The following TGM6 variants were observed in gnomAD, a reference collection of about 807,000 sequenced individuals.
TGM6 encodes the protein transglutaminase 6, also known as protein-glutamine gamma-glutamyltransferase 6.
A neutral mutation model predicts 77.5 loss-of-function variants in TGM6; 74 were observed. That is an observed-to-expected ratio of 0.96 (90% CI 0.79 to 1.16). The LOEUF (loss-of-function observed/expected upper bound fraction) is 1.16, where lower values mean the gene tolerates loss of function less well. Among genes scored for constraint, TGM6 ranks in the 50% most tolerant of loss-of-function variants. TGM6 has a pLI of 0.00. For missense variants in TGM6, 968 were observed against 940.2 expected (o/e 1.03, Z -0.39); for synonymous variants, 383 against 378.9 (o/e 1.01, Z -0.12).
In TGM6 at chr20:2,432,494, C is replaced by A. The variant is rs150182382; in HGVS notation, c.1972C>A (p.Pro658Thr). 3.0e-5 allele frequency: 48 copies of A among 1,613,766 alleles called. No homozygotes were observed. The highest frequency in any genetic ancestry group is 3.6e-5 in the Non-Finnish European group (43 of 1,180,018). Residue 658 changes from proline (P) to threonine (T), a missense_variant, in exon 13 of 13, where the codon CCT becomes ACT. Coordinates refer to ENST00000202625, the MANE Select transcript of TGM6 (RefSeq NM_198994.3). ...LLQEQLSIDV[P>T]TLEPQERASV... ...TCTCCCCTCCCCTTCCTCCAGCGTGCCTACCCTGGAGCCTCAGGAGAGGGC... is the reference window on the plus strand; with the variant it reads ...TCTCCCCTCCCCTTCCTCCAGCGTGACTACCCTGGAGCCTCAGGAGAGGGC...
chr20:2,403,466 G>A lies in TGM6; in HGVS notation c.1059G>A (p.Gln353=). 6.2e-7 allele frequency: 1 copy of A among 1,614,188 alleles called. No homozygotes were observed. The highest frequency in any genetic ancestry group is 8.5e-7 in the Non-Finnish European group (1 of 1,180,040). The part of the protein sequence containing the change: ...QDLGPSYNGW[Q]VLDATPQEES... ...TAGGCCCCTCTTACAATGGCTGGCA[G>A]GTTCTGGATGCCACCCCCCAGGAGG... The change falls in exon 8 of 13, where the codon CAG becomes CAA. Residue 353 remains glutamine (Q), a synonymous_variant. Transcript: ENST00000202625.
chr20:2,409,762 G>C (rs568069361), intron 9 of TGM6, among the ~76,000 whole-genome samples: 55 of 148,442 alleles, frequency 3.7e-4, no homozygotes, highest in African/African-American at 1.4e-3. Flanking sequence ...ACCTAAAAAA[G>C]CAGAAAGAGG....
intron 9 of TGM6, among the ~76,000 whole-genome samples, chr20:2,406,852 A>C (rs993523076): frequency 1.4e-5 from 2 of 144,746 alleles, no homozygotes; most frequent in East Asian, 1.9e-4. Context: ...AAAAAAAAAA[A>C]AAAAAAAAAA....
In TGM6 at chr20:2,420,019, T is replaced by C. The variant is rs1056146207; in HGVS notation, c.1678+2446T>C. 2.0e-5 allele frequency among the ~76,000 whole-genome samples: 3 copies of C among 152,106 alleles called. No individual in the cohort carries two copies. In the East Asian group the frequency reaches 5.8e-4, roughly 30 times the overall value. Reference sequence around the variant, plus strand: ...CAGCACTTTGGGAGGCCGAGGCAGGTGGATCACGAGGTCAGGAGATGGAGA... The same window carrying C: ...CAGCACTTTGGGAGGCCGAGGCAGGCGGATCACGAGGTCAGGAGATGGAGA... On this transcript the variant is annotated intron_variant, in intron 10 of 12. Transcript: ENST00000202625.
At chr20:2,425,440 A>G (rs1041898061) in intron 10 of TGM6, among the ~76,000 whole-genome samples, 1 of 142,836 alleles carries the variant, frequency 7.0e-6, no homozygotes, top group Non-Finnish European at 1.5e-5. Context: ...CAGGGTTGCC[A>G]CAAAACTTCA....
intron 2 of TGM6, 61 bp downstream of exon 2, chr20:2,394,686 C>T (rs2084650881): frequency 1.3e-6 from 2 of 1,532,246 alleles, no homozygotes; most frequent in Non-Finnish European, 1.8e-6. Flanking sequence ...TCTTATGACT[C>T]AGTAACATAA....
At chr20:2,401,886 T>C (rs530269684) in intron 7 of TGM6, among the ~76,000 whole-genome samples, 49 of 152,310 alleles carry the variant, frequency 3.2e-4, no homozygotes, top group African/African-American at 1.1e-3. Context: ...TGAATAACCT[T>C]GTTCAAATGT....
intron 9 of TGM6, among the ~76,000 whole-genome samples, chr20:2,408,604 GC>G (rs2084766881): frequency 6.6e-6 from 1 of 152,130 alleles, no homozygotes; most frequent in Non-Finnish European, 1.5e-5. Context: ...ATGAATTGGG[GC>G]CAACAGCATA....
chr20:2,394,251 G>A (rs950884300), intron 1 of TGM6, among the ~76,000 whole-genome samples: 4 of 152,250 alleles, frequency 2.6e-5, no homozygotes, highest in East Asian at 1.9e-4. Flanking sequence ...TTGAGATCAC[G>A]CCACTGCACG....
intron 9 of TGM6, among the ~76,000 whole-genome samples, chr20:2,404,584 C>T (rs1041156816): frequency 2.0e-5 from 3 of 152,138 alleles, no homozygotes; most frequent in African/African-American, 7.2e-5. Flanking sequence ...CTGCTCTGAA[C>T]ACCTCCTCGC....
chr20:2,388,644 G>A (rs1232983804), intron 1 of TGM6, among the ~76,000 whole-genome samples: 1 of 150,100 alleles, frequency 6.7e-6, no homozygotes. Context: ...AAAACAGGCT[G>A]TGTAACTCTG....
intron 9 of TGM6, among the ~76,000 whole-genome samples, chr20:2,414,215 A>G (rs1263729254): frequency 1.3e-5 from 2 of 152,152 alleles, no homozygotes; most frequent in African/African-American, 4.8e-5. Flanking sequence ...CTACAAAATA[A>G]AGAAATAAAT....
At chr20:2,394,023 C>T (rs1220123957) in intron 1 of TGM6, among the ~76,000 whole-genome samples, 3 of 152,056 alleles carry the variant, frequency 2.0e-5, no homozygotes, top group Non-Finnish European at 2.9e-5. Context: ...GGCAAGGTGC[C>T]TCACACCTGT....
rs1194529914 is a variant in TGM6, at chr20:2,399,694, T to G, written c.806T>G (p.Val269Gly). Residue 269 changes from valine (V) to glycine (G), a missense_variant, in exon 6 of 13, where the codon GTC (valine) becomes GGC (glycine). Val to Gly is a moderately radical substitution (Grantham distance 109). Transcript: ENST00000202625. ...QKWLKGRYKP[V>G]KYGQCWVFAG... is the part of the protein sequence containing the mutation. Reference sequence around the variant, plus strand: ...TGGCTCAAGGGCAGGTACAAGCCAGTCAAGTACGGCCAGTGCTGGGTCTTC... The same window carrying G: ...TGGCTCAAGGGCAGGTACAAGCCAGGCAAGTACGGCCAGTGCTGGGTCTTC... The G allele has an allele frequency of 6.2e-7, 1 of 1,613,810 alleles. No individual in the cohort carries two copies. The highest frequency in any genetic ancestry group is 1.3e-5 in the African/African-American group (1 of 74,900).
At chr20:2,398,504 C>T (rs1039599224) in intron 5 of TGM6, among the ~76,000 whole-genome samples, 5 of 151,330 alleles carry the variant, frequency 3.3e-5, no homozygotes, top group Admixed American at 2.0e-4. Context: ...CACAACCTTT[C>T]CATGTGGCTA....
intron 9 of TGM6, among the ~76,000 whole-genome samples, chr20:2,416,570 G>A (rs1216632192): frequency 2.0e-5 from 3 of 152,184 alleles, no homozygotes; most frequent in South Asian, 2.1e-4. Context: ...TAGGAAAAGG[G>A]TGGTAACTTC....
At chr20:2,429,508 C>T (rs528196352) in intron 10 of TGM6, among the ~76,000 whole-genome samples, 1 of 149,966 alleles carries the variant, frequency 6.7e-6, no homozygotes, top group African/African-American at 2.4e-5. Context: ...TGGTGGCTCA[C>T]ACCTGTAATC....
At chr20:2,407,738 T>C (rs1376985583) in intron 9 of TGM6, among the ~76,000 whole-genome samples, 1 of 152,248 alleles carries the variant, frequency 6.6e-6, no homozygotes, top group East Asian at 1.9e-4. Context: ...TCTTAGGGCC[T>C]CTGCCCTCCC....
intron 10 of TGM6, among the ~76,000 whole-genome samples, chr20:2,420,690 T>C (rs1288935688): frequency 6.6e-6 from 1 of 152,238 alleles, no homozygotes; most frequent in Non-Finnish European, 1.5e-5. Context: ...ATCTTTTTAC[T>C]GTCTCCACAC....
Sources: gnomAD v4.1 joint callset for allele counts (sites outside exome capture counted in the v4.1 genomes callset) on GRCh38, gnomAD v4.1.1 for gene constraint, MANE v1.5 for transcripts, NCBI Gene and HGNC (gene_info 2026-07-23, HGNC 2026-07-21) for gene names.